CXCL13: variants seen among roughly 807,000 people sequenced by gnomAD.
The protein encoded by CXCL13 is C-X-C motif chemokine ligand 13.
A neutral mutation model predicts 12.2 loss-of-function variants in CXCL13; 7 were observed. That is an observed-to-expected ratio of 0.57 (90% CI 0.33 to 1.07). CXCL13 has a LOEUF of 1.07. Ranked by LOEUF, CXCL13 falls within the 50% of genes least tolerant of loss-of-function variation. The pLI, the probability that CXCL13 is intolerant of heterozygous loss-of-function variation, is 0.04. For synonymous variants in CXCL13, 47 were observed against 42.4 expected (o/e 1.11, Z -0.42); for missense variants, 113 against 127.4 (o/e 0.89, Z 0.55).
intron 1 of CXCL13, among the ~76,000 whole-genome samples, chr4:77,571,570 TCTAA>T (rs1726080718): frequency 6.6e-6 from 1 of 151,826 alleles, no homozygotes; most frequent in South Asian, 2.1e-4. Flanking sequence ...AAACTGTGTA[TCTAA>T]CTAATCTGAT....
intron 1 of CXCL13, among the ~76,000 whole-genome samples, chr4:77,582,218 T>C (rs1726353359): frequency 6.6e-6 from 1 of 152,216 alleles, no homozygotes; most frequent in South Asian, 2.1e-4. Context: ...ACATTGGAGC[T>C]GACCCACTCA....
chr4:77,527,907 C>A (rs1449573286), intron 1 of CXCL13, among the ~76,000 whole-genome samples: 1 of 151,980 alleles, frequency 6.6e-6, no homozygotes, highest in South Asian at 2.1e-4. Context: ...TTAGGTATAT[C>A]TCCTAATGCT....
In CXCL13 at chr4:77,610,979, G is replaced by C. The variant is rs1414353801; in HGVS notation, c.279-9G>C. The C allele has an allele frequency of 6.2e-7, 1 of 1,608,390 alleles. No homozygotes were observed. The highest frequency in any genetic ancestry group is 1.3e-5 in the African/African-American group (1 of 74,948). ...ACATGACAATTTTGTTTTTGTTTCT[G>C]CTTCACAGAAGAAGTTCTTCAACTC... On this transcript the variant is annotated splice_polypyrimidine_tract_variant and intron_variant, in intron 3 of 3. Coordinates refer to ENST00000682537, the MANE Select transcript of CXCL13 (RefSeq NM_001371558.1).
intron 1 of CXCL13, among the ~76,000 whole-genome samples, chr4:77,548,446 AG>A (rs1376000076): frequency 6.6e-6 from 1 of 152,252 alleles, no homozygotes; most frequent in African/African-American, 2.4e-5. Flanking sequence ...CCTGTGCCCA[AG>A]GTCATGGACA....
chr4:77,568,071 C>T (rs929200228), intron 1 of CXCL13, among the ~76,000 whole-genome samples: 5 of 152,154 alleles, frequency 3.3e-5, no homozygotes, highest in Non-Finnish European at 5.9e-5. Context: ...AGGCTGAACC[C>T]CAATTCTGGA....
intron 1 of CXCL13, among the ~76,000 whole-genome samples, chr4:77,525,351 A>G (rs1174725949): frequency 6.6e-6 from 1 of 152,206 alleles, no homozygotes; most frequent in Admixed American, 6.5e-5. Context: ...CTTTCTTCAA[A>G]GGAAGATTTT....
chr4:77,537,397 T>G (rs1725085282), intron 1 of CXCL13, among the ~76,000 whole-genome samples: 1 of 152,128 alleles, frequency 6.6e-6, no homozygotes, highest in African/African-American at 2.4e-5. Flanking sequence ...CCATCACACC[T>G]CCAGCTTGTT....
chr4:77,608,685 G>A (rs181232772), intron 2 of CXCL13, among the ~76,000 whole-genome samples: 168 of 152,288 alleles, frequency 1.1e-3, no homozygotes, highest in African/African-American at 3.9e-3. Flanking sequence ...TGGACCAGTT[G>A]AAATATGGGA....
chr4:77,554,147 C>T (rs909554757), intron 1 of CXCL13, among the ~76,000 whole-genome samples: 2 of 152,108 alleles, frequency 1.3e-5, no homozygotes, highest in Non-Finnish European at 2.9e-5. Flanking sequence ...TCTCTTTCTC[C>T]ACCACCAACC....
chr4:77,528,917 A>C (rs972082416), intron 1 of CXCL13, among the ~76,000 whole-genome samples: 1 of 152,218 alleles, frequency 6.6e-6, no homozygotes, highest in African/African-American at 2.4e-5. Context: ...TTCAGGTCTA[A>C]CATTTAAGTC....
chr4:77,513,332 T>C (rs1369365844), intron 1 of CXCL13, among the ~76,000 whole-genome samples: 1 of 152,156 alleles, frequency 6.6e-6, no homozygotes. Context: ...GTATTTCTAG[T>C]TCTAGATTCT....
rs112702636 is a variant in CXCL13 at position 77,609,188 on chromosome 4, C to T, written c.197+1353C>T. Among the ~76,000 whole-genome samples the T allele has an allele frequency of 5.0e-3, 760 of 152,248 alleles. 7 individuals carry two copies. The highest frequency in any genetic ancestry group is 7.5e-3 in the Admixed American group (115 of 15,302). On this transcript the variant is annotated intron_variant, in intron 2 of 3. Coordinates refer to ENST00000682537, the MANE Select transcript of CXCL13 (RefSeq NM_001371558.1). ...CCAACTGCTCCATGTCCTGTGACCT[C>T]TCTAAGATTTACGTGCAAAAGTGCA...
intron 1 of CXCL13, among the ~76,000 whole-genome samples, chr4:77,588,731 T>G (rs1726538430): frequency 6.6e-6 from 1 of 152,170 alleles, no homozygotes; most frequent in Non-Finnish European, 1.5e-5. Context: ...CCTCTTTCTC[T>G]GGTTCTTTTC....
chr4:77,594,491 A>T (rs1726697590), intron 1 of CXCL13, among the ~76,000 whole-genome samples: 1 of 152,204 alleles, frequency 6.6e-6, no homozygotes, highest in South Asian at 2.1e-4. Context: ...GCAGCTTGTT[A>T]TTAGAGCTAT....
intron 1 of CXCL13, among the ~76,000 whole-genome samples, chr4:77,584,793 T>C (rs976068033): frequency 6.6e-6 from 1 of 152,190 alleles, no homozygotes; most frequent in Non-Finnish European, 1.5e-5. Context: ...AGGCGAGTGC[T>C]GGGAGAAAAG....
upstream of CXCL13, among the ~76,000 whole-genome samples, chr4:77,603,700 G>A (rs916903840): frequency 2.6e-5 from 4 of 152,174 alleles, no homozygotes; most frequent in African/African-American, 9.7e-5. Flanking sequence ...ATGGATGGAT[G>A]GGGGTGGTGG....
At chr4:77,565,271 A>T (rs1247788070) in intron 1 of CXCL13, among the ~76,000 whole-genome samples, 1 of 152,210 alleles carries the variant, frequency 6.6e-6, no homozygotes, top group Non-Finnish European at 1.5e-5. Flanking sequence ...AGTCACTTCA[A>T]CTGGGAGAAG....
Position 77,515,816 on chromosome 4 carries a change from T to A in CXCL13, c.-43+4028T>A, listed in dbSNP as rs1343462005. 3.9e-5 allele frequency among the ~76,000 whole-genome samples: 6 copies of A among 152,334 alleles called. No homozygotes were observed. The East Asian group carries it at 9.6e-4, about 24-fold the overall frequency. Reference sequence around the variant, plus strand: ...CCCTTTATTTCCTTCTCCTGACTAATTGCCCTGGCCAGAACTTCCAACACT... The same window carrying A: ...CCCTTTATTTCCTTCTCCTGACTAAATGCCCTGGCCAGAACTTCCAACACT... On this transcript the variant is annotated intron_variant, in intron 1 of 4. Transcript: ENST00000286758.
At chr4:77,586,413 T>C (rs1287347403) in intron 1 of CXCL13, among the ~76,000 whole-genome samples, 2 of 152,212 alleles carry the variant, frequency 1.3e-5, no homozygotes, top group Admixed American at 1.3e-4. Context: ...TGAAGTTTGC[T>C]ATATCTCCGG....
Sources: allele counts gnomAD v4.1 joint callset (sites outside exome capture counted in the v4.1 genomes callset), GRCh38; gene constraint gnomAD v4.1.1; transcripts MANE v1.5; gene names NCBI Gene and HGNC (gene_info 2026-07-23, HGNC 2026-07-21).